Variants in LRP11 observed in about 807,000 individuals in gnomAD.
The protein encoded by LRP11 is low-density lipoprotein receptor-related protein 11.
Under a neutral mutation model 43.1 loss-of-function variants are expected in LRP11, and 25 were observed. The ratio of observed to expected loss-of-function variants is 0.58; its 90% confidence interval spans 0.42 to 0.81. The LOEUF is 0.81. Among genes scored for constraint, LRP11 ranks in the 30% least tolerant of loss-of-function variants. The pLI, the probability that LRP11 is intolerant of heterozygous loss-of-function variation, is 0.00. For synonymous variants in LRP11, 316 were observed against 299.4 expected (o/e 1.06, Z -0.57); for missense variants, 623 against 665.1 (o/e 0.94, Z 0.70).
rs117602117 is a variant in LRP11 at position 149,854,831 on chromosome 6, T to C, written c.614-1671A>G. ...GGCCAATGTTGCTACCTACACAAACTTCTAAAGGGCCAAGCCACACATCCC... is the reference window on the plus strand; with the variant it reads ...GGCCAATGTTGCTACCTACACAAACCTCTAAAGGGCCAAGCCACACATCCC... On this transcript the variant is annotated intron_variant, in intron 1 of 6. Transcript: ENST00000239367. 2.8e-4 allele frequency among the ~76,000 whole-genome samples: 42 copies of C among 152,298 alleles called. No individual in the cohort carries two copies. The East Asian group carries it at 7.3e-3, about 27-fold the overall frequency.
intron 5 of LRP11, among the ~76,000 whole-genome samples, chr6:149,833,916 G>C (rs1370581793): frequency 6.6e-6 from 1 of 151,994 alleles, no homozygotes; most frequent in African/African-American, 2.4e-5. Flanking sequence ...GGATGTGCAG[G>C]TTTGTCACAC....
Position 149,864,256 on chromosome 6 carries a change from C to G in LRP11, c.-236G>C, listed in dbSNP as rs1777002392. The G allele has an allele frequency of 9.3e-7, 1 of 1,077,594 alleles. No individual in the cohort carries two copies. Among genetic ancestry groups the G allele is most frequent in the Non-Finnish European group, 1.1e-6 (1 of 891,042 alleles). The allele number at this position is 1,077,594 out of a possible 1,614,324, so 66.8% of individuals were successfully genotyped here. ...GCCGGGCACCGCTCCTTGCCCTCGC[C>G]GGAGACTGCCCAGCGCCCTGCGCCT... On this transcript the variant is annotated 5_prime_UTR_variant, in exon 1 of 7. Transcript: ENST00000239367.
intron 1 of LRP11, among the ~76,000 whole-genome samples, chr6:149,858,427 T>A (rs531359993): frequency 2.0e-5 from 3 of 152,364 alleles, no homozygotes; most frequent in South Asian, 4.1e-4. Context: ...TGCCACATTT[T>A]CTTAATCCAG....
chr6:149,826,198 C>T, intron 6 of LRP11, 66 bp downstream of exon 6: 1 of 1,219,406 alleles, frequency 8.2e-7, no homozygotes, highest in Non-Finnish European at 1.2e-6. Context: ...GGAATATCCT[C>T]AGCCAGAGGG....
Position 149,863,578 on chromosome 6 carries a change from G to T in LRP11, c.443C>A (p.Pro148His). Reference sequence around the variant, plus strand: ...GGCTGCCGGGGGCGCGGGGCGCCGGGGCAGCTCCACCACGGCCACGGAGCA... The same window carrying T: ...GGCTGCCGGGGGCGCGGGGCGCCGGTGCAGCTCCACCACGGCCACGGAGCA... ...PRCSVAVVEL[P>H]RRPAPPAAVL... Residue 148 changes from proline to histidine, a missense_variant, in exon 1 of 7, where the codon CCC becomes CAC. Physicochemically the swap from Pro to His is moderately conservative, Grantham distance 77 (BLOSUM62 -2). Transcript: ENST00000239367. 1 of 1,409,656 alleles carries T rather than the reference G, an allele frequency of 7.1e-7. No individual in the cohort carries two copies. The allele number at this position is 1,409,656 out of a possible 1,614,324, so 87.3% of individuals were successfully genotyped here.
intron 6 of LRP11, among the ~76,000 whole-genome samples, chr6:149,821,165 G>A (rs1190802963): frequency 4.6e-5 from 7 of 152,014 alleles, no homozygotes; most frequent in African/African-American, 1.7e-4. Flanking sequence ...TTCTGACCTC[G>A]TGATCCACCT....
intron 1 of LRP11, among the ~76,000 whole-genome samples, chr6:149,855,697 CT>C (rs11289615): frequency 0.34 from 46,227 of 134,728 alleles, 8,409 homozygotes; most frequent in East Asian, 0.78. Context: ...GGGAAGATGC[CT>C]TTTTTTTTTT....
intron 6 of LRP11, 50 bp downstream of exon 6, chr6:149,826,214 A>G: frequency 7.4e-7 from 1 of 1,343,752 alleles, no homozygotes; most frequent in Non-Finnish European, 1.1e-6. Context: ...GAGGGCATGC[A>G]GTTCTGAGAA....
chr6:149,821,680 G>A (rs1776279917), intron 6 of LRP11, among the ~76,000 whole-genome samples: 1 of 152,184 alleles, frequency 6.6e-6, no homozygotes, highest in Non-Finnish European at 1.5e-5. Flanking sequence ...AGCTTAGCAG[G>A]CTCTATTTTT....
At position 149,826,318 on chromosome 6, in the gene LRP11, T is replaced by C; in HGVS notation, c.1294A>G (p.Ile432Val). The C allele has an allele frequency of 6.2e-7, 1 of 1,613,768 alleles. No homozygotes were observed. The highest frequency in any genetic ancestry group is 8.5e-7 in the Non-Finnish European group (1 of 1,179,668). Residue 432 changes from isoleucine (I) to valine (V), a missense_variant, in exon 6 of 7, where the codon ATA becomes GTA. By Grantham distance (29) the Ile-to-Val change is conservative (BLOSUM62 3). Coordinates refer to ENST00000239367, the MANE Select transcript of LRP11 (RefSeq NM_032832.6). ...SGKNRKEESY[I>V]FESKGDGGGG... ...CCTCCATCACCCTTTGACTCAAATA[T>C]ATAACTTTCCTCTTTTCTGTTCTTC...
chr6:149,847,554 A>G (rs1776655491), intron 2 of LRP11, among the ~76,000 whole-genome samples: 1 of 152,212 alleles, frequency 6.6e-6, no homozygotes, highest in South Asian at 2.1e-4. Context: ...AGTGTTTCAC[A>G]GACATGTTCC....
In LRP11 at chr6:149,864,291, G is replaced by A. The variant is rs753184357; in HGVS notation, c.-271C>T. The A allele has an allele frequency of 3.2e-5, 34 of 1,047,340 alleles. No homozygotes were observed. The highest frequency in any genetic ancestry group is 3.8e-5 in the Non-Finnish European group (33 of 871,396). The allele number at this position is 1,047,340 out of a possible 1,614,324, so 64.9% of individuals were successfully genotyped here. ...CCAGCGCCCTGCGCCTCTCCGCCCCGGCCTGCGGCGCGCTGGGTGGCGACG... is the reference window on the plus strand; with the variant it reads ...CCAGCGCCCTGCGCCTCTCCGCCCCAGCCTGCGGCGCGCTGGGTGGCGACG... On this transcript the variant is annotated 5_prime_UTR_variant, in exon 1 of 7. Coordinates refer to ENST00000239367, the MANE Select transcript of LRP11 (RefSeq NM_032832.6).
At chr6:149,849,475 G>C (rs559372392) in intron 2 of LRP11, among the ~76,000 whole-genome samples, 1 of 152,206 alleles carries the variant, frequency 6.6e-6, no homozygotes, top group African/African-American at 2.4e-5. Context: ...GAAAAAGACA[G>C]ATCAGGTGCT....
At position 149,836,067 on chromosome 6, in the gene LRP11, C is replaced by G. The variant is rs1225101769; in HGVS notation, c.1252+18G>C. On this transcript the variant is annotated intron_variant, in intron 5 of 6. Coordinates refer to ENST00000239367, the MANE Select transcript of LRP11 (RefSeq NM_032832.6). ...AGAAAACAAGGTTCTTCATTGAGAA[C>G]CCACCGTGAATCCTTACCTGGCATC... The G allele has an allele frequency of 6.2e-7, 1 of 1,607,726 alleles. No homozygotes were observed. The highest frequency in any genetic ancestry group is 1.3e-5 in the African/African-American group (1 of 74,764).
intron 5 of LRP11, among the ~76,000 whole-genome samples, chr6:149,835,616 T>A (rs1011785209): frequency 2.0e-5 from 3 of 151,960 alleles, no homozygotes; most frequent in Non-Finnish European, 2.9e-5. Flanking sequence ...TCAAAAAAAA[T>A]AAAAATAAAT....
chr6:149,854,936 T>C (rs532658418), intron 1 of LRP11, among the ~76,000 whole-genome samples: 1 of 152,316 alleles, frequency 6.6e-6, no homozygotes, highest in Admixed American at 6.5e-5. Flanking sequence ...CTTGATACAT[T>C]GCAGCTGAAA....
chr6:149,840,554 G>A (rs1261664893), intron 3 of LRP11, among the ~76,000 whole-genome samples: 1 of 152,184 alleles, frequency 6.6e-6, no homozygotes, highest in Non-Finnish European at 1.5e-5. Flanking sequence ...ACAAGTGGCC[G>A]GTGAGGTGCT....
rs1245675527 is a variant in LRP11 at position 149,833,528 on chromosome 6, G to GT, written c.1252+2556dup. Among the ~76,000 whole-genome samples the GT allele has an allele frequency of 2.0e-5, 3 of 152,276 alleles. No individual in the cohort carries two copies. In the East Asian group the frequency reaches 5.8e-4, roughly 29 times the overall value. ...TTTATAAAAGCATTATCCTGCTTTT[G>GT]TTAAAAATGAATAAATATGTATATG... On this transcript the variant is annotated intron_variant, in intron 5 of 6. Transcript: ENST00000239367.
At chr6:149,831,959 G>A (rs944486859) in intron 5 of LRP11, among the ~76,000 whole-genome samples, 1 of 151,920 alleles carries the variant, frequency 6.6e-6, no homozygotes, top group Non-Finnish European at 1.5e-5. Flanking sequence ...TGCTGCACCC[G>A]ATCATATACA....
Sources: gnomAD v4.1 joint callset for allele counts (sites outside exome capture counted in the v4.1 genomes callset) on GRCh38, gnomAD v4.1.1 for gene constraint, MANE v1.5 for transcripts, NCBI Gene and HGNC (gene_info 2026-07-23, HGNC 2026-07-21) for gene names.